Variants in HEMK2 observed in about 807,000 individuals in gnomAD.
The protein encoded by HEMK2 is methyltransferase HEMK2.
At chr21:28,884,602 A>G in the HEMK2 span, among the ~76,000 whole-genome samples, 1 of 152,350 alleles carries the variant, frequency 6.6e-6, no homozygotes, top group African/African-American at 2.4e-5. Context: ...ATTGTCTGCT[A>G]GCTGCATGTA....
chr21:28,701,698 A>G, the HEMK2 span, among the ~76,000 whole-genome samples: 1 of 152,148 alleles, frequency 6.6e-6, no homozygotes, highest in African/African-American at 2.4e-5. Context: ...AAACAAATGG[A>G]AAAACATCCC....
At chr21:28,782,509 T>C in the HEMK2 span, among the ~76,000 whole-genome samples, 13 of 152,172 alleles carry the variant, frequency 8.5e-5, no homozygotes, top group African/African-American at 3.1e-4. Context: ...AACCCACAAA[T>C]TATACCTATT....
the HEMK2 span, among the ~76,000 whole-genome samples, chr21:28,633,196 C>T: frequency 6.6e-6 from 1 of 152,164 alleles, no homozygotes; most frequent in African/African-American, 2.4e-5. Context: ...ACTGAAAGGG[C>T]AAGGCTGGGT....
the HEMK2 span, among the ~76,000 whole-genome samples, chr21:28,644,452 A>T: frequency 6.6e-6 from 1 of 152,030 alleles, no homozygotes; most frequent in Non-Finnish European, 1.5e-5. Context: ...CACCACCACC[A>T]CCTATTGGCC....
the HEMK2 span, among the ~76,000 whole-genome samples, chr21:28,827,767 T>C: frequency 6.6e-6 from 1 of 152,348 alleles, no homozygotes; most frequent in East Asian, 1.9e-4. Flanking sequence ...ATGCATCTAG[T>C]TTTTGCTTTG....
chr21:28,764,673 C>A, the HEMK2 span, among the ~76,000 whole-genome samples: 2 of 152,056 alleles, frequency 1.3e-5, no homozygotes, highest in Non-Finnish European at 2.9e-5. Flanking sequence ...TCCTAGAACT[C>A]ACAGATGCAA....
At chr21:28,874,436 A>C in the HEMK2 span, 1 of 152,392 alleles carries the variant, frequency 6.6e-6, no homozygotes, top group Non-Finnish European at 1.5e-5. Context: ...GAATGGTGTC[A>C]TATCAGGGGC....
chr21:28,666,750 A>G, the HEMK2 span, among the ~76,000 whole-genome samples: 2 of 152,276 alleles, frequency 1.3e-5, no homozygotes, highest in Non-Finnish European at 2.9e-5. Flanking sequence ...ATATATATAA[A>G]TCCTGTTTAA....
the HEMK2 span, among the ~76,000 whole-genome samples, chr21:28,868,760 A>G: frequency 6.6e-6 from 1 of 152,334 alleles, no homozygotes; most frequent in Admixed American, 6.5e-5. Flanking sequence ...TGCCTTATTT[A>G]TCATTTTTAG....
At chr21:28,700,869 C>T in the HEMK2 span, among the ~76,000 whole-genome samples, 1 of 151,730 alleles carries the variant, frequency 6.6e-6, no homozygotes, top group Admixed American at 6.6e-5. Flanking sequence ...AGGACAATAT[C>T]CCTGATGAAC....
the HEMK2 span, among the ~76,000 whole-genome samples, chr21:28,609,464 G>A: frequency 1.3e-5 from 2 of 151,668 alleles, no homozygotes; most frequent in African/African-American, 2.4e-5. Context: ...CCAGAAAAAC[G>A]GTTCTGGTAA....
chr21:28,666,209 G>C, the HEMK2 span, among the ~76,000 whole-genome samples: 1 of 152,148 alleles, frequency 6.6e-6, no homozygotes, highest in African/African-American at 2.4e-5. Context: ...AAGCAGATTG[G>C]AAGGAAGGAA....
the HEMK2 span, among the ~76,000 whole-genome samples, chr21:28,755,006 T>C: frequency 6.6e-6 from 1 of 152,162 alleles, no homozygotes; most frequent in African/African-American, 2.4e-5. Context: ...GGCATTTTGA[T>C]GTGGGCCTTT....
At chr21:28,753,257 G>A in the HEMK2 span, among the ~76,000 whole-genome samples, 1 of 151,618 alleles carries the variant, frequency 6.6e-6, no homozygotes, top group Non-Finnish European at 1.5e-5. Context: ...CTTGGGAGGC[G>A]GAGGCAGGAG....
the HEMK2 span, among the ~76,000 whole-genome samples, chr21:28,673,915 G>A: frequency 3.0e-4 from 45 of 152,174 alleles, no homozygotes; most frequent in Non-Finnish European, 6.2e-4. Context: ...TAGTGTCAGA[G>A]GCATTTGAAC....
At chr21:28,732,627 T>C in the HEMK2 span, among the ~76,000 whole-genome samples, 3 of 152,094 alleles carry the variant, frequency 2.0e-5, no homozygotes, top group Non-Finnish European at 4.4e-5. Context: ...GATGTAAGCA[T>C]GAAAGGGACT....
At chr21:28,761,331 TAAG>T in the HEMK2 span, among the ~76,000 whole-genome samples, 1 of 152,050 alleles carries the variant, frequency 6.6e-6, no homozygotes, top group African/African-American at 2.4e-5. Flanking sequence ...TTTCTGTGAG[TAAG>T]AAATTATCCA....
the HEMK2 span, among the ~76,000 whole-genome samples, chr21:28,829,318 C>T: frequency 6.6e-6 from 1 of 152,134 alleles, no homozygotes; most frequent in East Asian, 1.9e-4. Context: ...GGAAACTTAA[C>T]CTTTAATGCA....
the HEMK2 span, among the ~76,000 whole-genome samples, chr21:28,652,425 TTTC>T: frequency 1.3e-5 from 2 of 151,168 alleles, no homozygotes; most frequent in Non-Finnish European, 3.0e-5. Flanking sequence ...CTTTCTCTCT[TTTC>T]TTCCTCCCTT....
Sources: allele counts gnomAD v4.1 joint callset (sites outside exome capture counted in the v4.1 genomes callset), GRCh38; gene constraint gnomAD v4.1.1; transcripts MANE v1.5; gene names NCBI Gene and HGNC (gene_info 2026-07-23, HGNC 2026-07-21).